ELMOD2: variants seen among roughly 807,000 people sequenced by gnomAD.
ELMOD2 encodes the protein ELMO domain-containing protein 2.
A neutral mutation model predicts 41.0 loss-of-function variants in ELMOD2; 28 were observed. The observed-to-expected ratio is 0.68, with a 90% CI of 0.51 to 0.94. The LOEUF (loss-of-function observed/expected upper bound fraction) is 0.94. ELMOD2 is among the 40% of genes least tolerant of loss of function. The pLI is 0.00. For synonymous variants in ELMOD2, 106 were observed against 107.2 expected, an observed-to-expected ratio of 0.99 and a Z score of 0.07; for missense variants, 333 against 343.1, an observed-to-expected ratio of 0.97 and a Z score of 0.23.
chr4:140,525,223 A>G lies in ELMOD2; in HGVS notation c.-9-197A>G, dbSNP rs535901113. ...AATTTTAGTTTTGAAAAAGTGATTA[A>G]TTGGCCATTTGATCATCAATTAATA... On this transcript the variant is annotated intron_variant, in intron 1 of 8. Coordinates refer to ENST00000323570, the MANE Select transcript of ELMOD2 (RefSeq NM_153702.4). 6.5e-6 allele frequency: 3 copies of G among 458,492 alleles called. No homozygotes were observed. In the South Asian group the frequency reaches 1.2e-4, roughly 19 times the overall value. 28.4% of individuals were successfully genotyped at this position (458,492 alleles called of 1,614,324 possible).
At chr4:140,524,748 C>CT (rs1171744535) in intron 1 of ELMOD2, 3 of 576,284 alleles carry the variant, frequency 5.2e-6, no homozygotes, top group Non-Finnish European at 6.6e-6. Flanking sequence ...ATCTCCCTGA[C>CT]TTTTTCATTT....
intron 6 of ELMOD2, among the ~76,000 whole-genome samples, chr4:140,541,757 GGT>G (rs1481331300): frequency 6.6e-6 from 1 of 151,872 alleles, no homozygotes; most frequent in Non-Finnish European, 1.5e-5. Flanking sequence ...AACAGCCCCT[GGT>G]GTAATGGGTT....
intron 3 of ELMOD2, among the ~76,000 whole-genome samples, chr4:140,534,485 A>T (rs1734850166): frequency 1.3e-5 from 2 of 152,134 alleles, no homozygotes; most frequent in Non-Finnish European, 2.9e-5. Flanking sequence ...GGATGTATGT[A>T]TTTGTCAAAA....
chr4:140,543,179 CCT>C (rs971900173), intron 7 of ELMOD2, among the ~76,000 whole-genome samples: 1 of 151,830 alleles, frequency 6.6e-6, no homozygotes, highest in Non-Finnish European at 1.5e-5. Context: ...CTATAGTCCC[CCT>C]GACCCCTTTT....
Position 140,550,393 on chromosome 4 carries a change from C to G in ELMOD2, c.*18C>G, listed in dbSNP as rs1461771587. ...AAGTATAAATCATCCACTGTATCTT[C>G]TATTTCTACCACATTTTGCACATTC... On this transcript the variant is annotated 3_prime_UTR_variant, in exon 9 of 9. Coordinates refer to ENST00000323570, the MANE Select transcript of ELMOD2 (RefSeq NM_153702.4). 6.4e-7 allele frequency: 1 copy of G among 1,574,188 alleles called. No homozygotes were observed. Among genetic ancestry groups the G allele is most frequent in the Admixed American group, 1.9e-5 (1 of 51,838 alleles).
chr4:140,525,646 G>A, intron 2 of ELMOD2, 76 bp downstream of exon 2: 2 of 1,462,924 alleles, frequency 1.4e-6, no homozygotes, highest in East Asian at 2.5e-5. Flanking sequence ...AGTGACAGAT[G>A]TATTTCTTTT....
At position 140,535,825 on chromosome 4, in the gene ELMOD2, T is replaced by G. The variant is rs138438975; in HGVS notation, c.264T>G (p.Asp88Glu). ...MKEKNINPEK[D>E]ASFKICMKMC... ...AAAAGAATATTAACCCTGAGAAGGA[T>G]GCCAGGTGTGCGTTTTTTACATTAT... The change falls in exon 4 of 9, where the codon GAT becomes GAG. Residue 88 changes from aspartate (D) to glutamate (E), a missense_variant. Asp to Glu is a conservative substitution (Grantham distance 45, BLOSUM62 2). Coordinates refer to ENST00000323570, the MANE Select transcript of ELMOD2 (RefSeq NM_153702.4). 106 of 1,598,922 alleles carry G rather than the reference T, an allele frequency of 6.6e-5. No homozygotes were observed. Among genetic ancestry groups the G allele is most frequent in the Non-Finnish European group, 8.5e-5 (100 of 1,176,224 alleles).
chr4:140,529,239 T>A (rs961841134), intron 3 of ELMOD2, among the ~76,000 whole-genome samples: 6 of 152,228 alleles, frequency 3.9e-5, no homozygotes, highest in Admixed American at 2.0e-4. Flanking sequence ...TAGTATGCTG[T>A]CTGGGGACTG....
At position 140,537,462 on chromosome 4, in the gene ELMOD2, A is replaced by C. The variant is rs746150538; in HGVS notation, c.320A>C (p.Gln107Pro). The change falls in exon 5 of 9, where the codon CAG (glutamine) becomes CCG (proline). Residue 107 changes from glutamine (Q) to proline (P), a missense_variant. Physicochemically the swap from Gln to Pro is moderately conservative, Grantham distance 76. Coordinates refer to ENST00000323570, the MANE Select transcript of ELMOD2 (RefSeq NM_153702.4). ...MCLLQITGYK[Q>P]LYLDVESVRK... The stretch of plus-strand genomic sequence containing the variant: ...TTACTGCAGATAACTGGTTATAAAC[A>C]GCTGTATTTGGATGTAGAAAGTGTG... 7.0e-6 allele frequency: 11 copies of C among 1,577,334 alleles called. No homozygotes were observed. The highest frequency in any genetic ancestry group is 6.9e-6 in the Non-Finnish European group (8 of 1,165,584).
chr4:140,549,457 C>G (rs1240083249), intron 8 of ELMOD2, among the ~76,000 whole-genome samples: 1 of 149,918 alleles, frequency 6.7e-6, no homozygotes, highest in Non-Finnish European at 1.5e-5. Flanking sequence ...TATTGAAAGC[C>G]AAAAATATTA....
chr4:140,536,532 A>G (rs1734932649), intron 4 of ELMOD2, among the ~76,000 whole-genome samples: 2 of 152,194 alleles, frequency 1.3e-5, no homozygotes, highest in Non-Finnish European at 2.9e-5. Context: ...ACATAGAAAT[A>G]TTAATACTTT....
At chr4:140,529,594 C>G (rs1247910200) in intron 3 of ELMOD2, among the ~76,000 whole-genome samples, 1 of 152,220 alleles carries the variant, frequency 6.6e-6, no homozygotes, top group Non-Finnish European at 1.5e-5. Flanking sequence ...TTATCTACTA[C>G]TGTTCTTGCC....
intron 3 of ELMOD2, among the ~76,000 whole-genome samples, chr4:140,534,265 A>T (rs1734840352): frequency 6.6e-6 from 1 of 152,160 alleles, no homozygotes; most frequent in African/African-American, 2.4e-5. Context: ...AAGAATGTGG[A>T]TGAATCCTAG....
rs1461544082 is a variant in ELMOD2, at chr4:140,541,611, T to C, written c.534-963T>C. On this transcript the variant is annotated intron_variant, in intron 6 of 8. Coordinates refer to ENST00000323570, the MANE Select transcript of ELMOD2 (RefSeq NM_153702.4). ...TTAAAACTATTTTGGTGTTTACAGA[T>C]CCCTTAGGGAATCTGATGAAAGCTT... Among the ~76,000 whole-genome samples the C allele has an allele frequency of 3.9e-5, 6 of 152,124 alleles. No homozygotes were observed. The East Asian group carries it at 1.2e-3, about 29-fold the overall frequency.
At chr4:140,541,159 C>T (rs1008766176) in intron 6 of ELMOD2, among the ~76,000 whole-genome samples, 1 of 152,146 alleles carries the variant, frequency 6.6e-6, no homozygotes, top group African/African-American at 2.4e-5. Context: ...GATTAATTTC[C>T]TCCTATAAGG....
At chr4:140,535,133 TTCTTTCTCTCTCTC>T (rs1315679896) in intron 3 of ELMOD2, among the ~76,000 whole-genome samples, 91 of 74,404 alleles carry the variant, frequency 1.2e-3, no homozygotes, top group Middle Eastern at 7.1e-3. Context: ...GGAAATCTGT[TTCTTTCTCTCTCTC>T]TCTCTCTCTC....
At chr4:140,549,678 C>G (rs888643805) in intron 8 of ELMOD2, among the ~76,000 whole-genome samples, 1 of 114,490 alleles carries the variant, frequency 8.7e-6, no homozygotes, top group Admixed American at 1.0e-4. Flanking sequence ...GAAAGTACTA[C>G]ATCTTTTTTT....
rs983826888 is a variant in ELMOD2 at position 140,539,984 on chromosome 4, C to A, written c.400-184C>A. 1.0e-3 allele frequency among the ~76,000 whole-genome samples: 157 copies of A among 152,240 alleles called. 1 individual carries two copies. Among genetic ancestry groups the A allele is most frequent in the African/African-American group, 3.4e-3 (143 of 41,558 alleles). On this transcript the variant is annotated intron_variant, in intron 5 of 8. Transcript: ENST00000323570. ...GTATTATTTGTTATCTTTTCAAAAT[C>A]TGTTCTTTATACCAGTCTTTTTAAT...
intron 3 of ELMOD2, among the ~76,000 whole-genome samples, chr4:140,528,902 T>C (rs1734654419): frequency 6.6e-6 from 1 of 152,194 alleles, no homozygotes; most frequent in Non-Finnish European, 1.5e-5. Context: ...AGCTAACAGG[T>C]TGCTGGTTCT....
Sources: allele counts gnomAD v4.1 joint callset (sites outside exome capture counted in the v4.1 genomes callset), GRCh38; gene constraint gnomAD v4.1.1; transcripts MANE v1.5; gene names NCBI Gene and HGNC (gene_info 2026-07-23, HGNC 2026-07-21).